Variants in FRMD4B observed in about 807,000 individuals in gnomAD.
FRMD4B encodes FERM domain-containing protein 4B.
In FRMD4B, 74 loss-of-function variants were observed where a neutral mutation model predicts 141.5. That is an observed-to-expected ratio of 0.52 (90% CI 0.43 to 0.63). The LOEUF (loss-of-function observed/expected upper bound fraction) is 0.63. FRMD4B is among the 30% of genes least tolerant of loss of function. The pLI, the probability that FRMD4B is intolerant of heterozygous loss-of-function variation, is 0.00. For synonymous variants in FRMD4B, 506 were observed against 467.9 expected (o/e 1.08, Z -1.05); for missense variants, 1,366 against 1,253.4 (o/e 1.09, Z -1.36).
chr3:69,234,749 G>C (rs758009572), intron 7 of FRMD4B, among the ~76,000 whole-genome samples: 34 of 152,164 alleles, frequency 2.2e-4, no homozygotes, highest in Non-Finnish European at 4.4e-4. Context: ...GCAAATCTCA[G>C]GCTCCACCCC....
chr3:69,349,774 T>C (rs1304356543), intron 1 of FRMD4B, among the ~76,000 whole-genome samples: 1 of 152,186 alleles, frequency 6.6e-6, no homozygotes, highest in Non-Finnish European at 1.5e-5. Context: ...TAACCATATG[T>C]AGAAAGCTGA....
chr3:69,441,357 C>A (rs991593228), intron 1 of FRMD4B, among the ~76,000 whole-genome samples: 9 of 151,956 alleles, frequency 5.9e-5, no homozygotes, highest in Admixed American at 6.6e-5. Flanking sequence ...GGACCCTTGT[C>A]CTTGAGGCTG....
chr3:69,336,352 A>G (rs1319426219), intron 1 of FRMD4B, among the ~76,000 whole-genome samples: 4 of 152,218 alleles, frequency 2.6e-5, no homozygotes, highest in African/African-American at 4.8e-5. Flanking sequence ...CATGCCTGCT[A>G]AAGTCTGAAA....
intron 1 of FRMD4B, among the ~76,000 whole-genome samples, chr3:69,373,675 C>T (rs1703889418): frequency 6.6e-6 from 1 of 151,940 alleles, no homozygotes; most frequent in South Asian, 2.1e-4. Context: ...GATTTCAAGA[C>T]CAGCCTGGGC....
chr3:69,297,184 T>G (rs757825379), intron 4 of FRMD4B, among the ~76,000 whole-genome samples: 3 of 152,304 alleles, frequency 2.0e-5, no homozygotes, highest in Admixed American at 6.5e-5. Flanking sequence ...GTCATGATGC[T>G]TCCTCGAGTT....
At chr3:69,301,457 T>C (rs1277637081) in intron 4 of FRMD4B, among the ~76,000 whole-genome samples, 2 of 152,186 alleles carry the variant, frequency 1.3e-5, no homozygotes, top group East Asian at 3.9e-4. Context: ...CATGAGTAGC[T>C]GGCATTACAG....
chr3:69,289,823 A>C (rs912032825), intron 4 of FRMD4B, among the ~76,000 whole-genome samples: 3 of 152,056 alleles, frequency 2.0e-5, no homozygotes, highest in Non-Finnish European at 2.9e-5. Flanking sequence ...AACAAAAAAA[A>C]CCCAAAAAAC....
chr3:69,322,584 TTCTCTC>T (rs199672532), intron 1 of FRMD4B, among the ~76,000 whole-genome samples: 2 of 144,320 alleles, frequency 1.4e-5, no homozygotes, highest in Non-Finnish European at 1.5e-5. Flanking sequence ...GTTTAGATTT[TTCTCTC>T]TCTCTTTTTT....
intron 1 of FRMD4B, among the ~76,000 whole-genome samples, chr3:69,463,915 T>G (rs1388881112): frequency 6.6e-6 from 1 of 152,220 alleles, no homozygotes; most frequent in African/African-American, 2.4e-5. Context: ...GAAAGATTAC[T>G]GGGTATCACA....
At chr3:69,173,309 T>C (rs571929458) in intron 22 of FRMD4B, among the ~76,000 whole-genome samples, 4 of 152,306 alleles carry the variant, frequency 2.6e-5, no homozygotes, top group Admixed American at 6.5e-5. Flanking sequence ...ATTATGCCAA[T>C]TGTACTAGAA....
At chr3:69,233,663 G>A (rs1038167241) in intron 7 of FRMD4B, among the ~76,000 whole-genome samples, 2 of 152,220 alleles carry the variant, frequency 1.3e-5, no homozygotes, top group South Asian at 4.2e-4. Flanking sequence ...GTACCATACA[G>A]CTTACATAAC....
chr3:69,383,114 A>G (rs1263992204), intron 1 of FRMD4B, among the ~76,000 whole-genome samples: 1 of 152,206 alleles, frequency 6.6e-6, no homozygotes, highest in African/African-American at 2.4e-5. Context: ...CTCTGTGATT[A>G]GTACTATTAA....
At chr3:69,318,810 A>G (rs1701892239) in intron 1 of FRMD4B, among the ~76,000 whole-genome samples, 1 of 152,238 alleles carries the variant, frequency 6.6e-6, no homozygotes, top group Non-Finnish European at 1.5e-5. Flanking sequence ...GCTTCTTTTG[A>G]CAAATGGTAA....
chr3:69,483,781 A>G (rs1429452068), intron 1 of FRMD4B, among the ~76,000 whole-genome samples: 23 of 152,250 alleles, frequency 1.5e-4, no homozygotes, highest in Admixed American at 1.5e-3. Context: ...CAGAAATAAA[A>G]TGGAAGACTT....
intron 1 of FRMD4B, among the ~76,000 whole-genome samples, chr3:69,476,303 C>A (rs909631026): frequency 6.6e-6 from 1 of 151,938 alleles, no homozygotes; most frequent in Non-Finnish European, 1.5e-5. Flanking sequence ...AATGGTAATG[C>A]CTAGGTTTTC....
chr3:69,309,988 G>T (rs201250573), intron 3 of FRMD4B, among the ~76,000 whole-genome samples: 1 of 152,094 alleles, frequency 6.6e-6, no homozygotes. Flanking sequence ...TATGCATGTC[G>T]GCATTTCCCA....
In FRMD4B at chr3:69,418,737, T is replaced by G. The variant is rs552426742; in HGVS notation, c.-1+13897A>C. Among the ~76,000 whole-genome samples, 16 of 152,272 alleles carry G rather than the reference T, an allele frequency of 1.1e-4. No homozygotes were observed. The East Asian group carries it at 2.9e-3, about 28-fold the overall frequency. On this transcript the variant is annotated intron_variant, in intron 2 of 5. Transcript: ENST00000459638. ...AGAGCCTCAGACAAGATCCTAGCTC[T>G]GGCCAACATCTTAATTTCAGCCTGG...
rs113061702 is a variant in FRMD4B, at chr3:69,247,643, T to G, written c.581+1583A>C. 3.2e-4 allele frequency among the ~76,000 whole-genome samples: 48 copies of G among 152,224 alleles called. 2 individuals are homozygous for G. In the South Asian group the frequency reaches 6.4e-3, roughly 20 times the overall value. On this transcript the variant is annotated intron_variant, in intron 7 of 22. Transcript: ENST00000398540. The stretch of plus-strand genomic sequence containing the variant: ...CTGGGATTACAGGTGCCTGCCACCA[T>G]GCCCAGCTAATTTTCTTTTTTTTGA...
chr3:69,324,209 G>T (rs1262193640), intron 1 of FRMD4B, among the ~76,000 whole-genome samples: 1 of 152,146 alleles, frequency 6.6e-6, no homozygotes, highest in Non-Finnish European at 1.5e-5. Flanking sequence ...GAACACTCAG[G>T]GTACAGGATG....
Sources: gnomAD v4.1 joint callset for allele counts (sites outside exome capture counted in the v4.1 genomes callset) on GRCh38, gnomAD v4.1.1 for gene constraint, MANE v1.5 for transcripts, NCBI Gene and HGNC (gene_info 2026-07-23, HGNC 2026-07-21) for gene names.